Variants in FUT8 observed in about 807,000 individuals in gnomAD.
The protein encoded by FUT8 is fucosyltransferase 8.
Under a neutral mutation model 71.3 loss-of-function variants are expected in FUT8, and 29 were observed. That is an observed-to-expected ratio of 0.41 (90% confidence interval 0.30 to 0.55). FUT8 has a LOEUF of 0.55. FUT8 is among the 20% of genes least tolerant of loss of function. The pLI is 0.34. For missense variants in FUT8, 544 were observed against 702.1 expected, an observed-to-expected ratio of 0.77 and a Z score of 2.55; for synonymous variants, 254 against 239.3, an observed-to-expected ratio of 1.06 and a Z score of -0.57.
At chr14:65,522,768 T>C (rs1883171431) in intron 2 of FUT8, among the ~76,000 whole-genome samples, 1 of 124,332 alleles carries the variant, frequency 8.0e-6, no homozygotes, top group African/African-American at 3.1e-5. Flanking sequence ...TTCCCCCTCC[T>C]GTGTCCAAGT....
In FUT8 at chr14:65,674,056, G is replaced by A. The variant is rs547014342; in HGVS notation, c.835+4576G>A. Among the ~76,000 whole-genome samples, 60 of 152,096 alleles carry A rather than the reference G, an allele frequency of 3.9e-4. 1 individual carries two copies. Among genetic ancestry groups the A allele is most frequent in the Non-Finnish European group, 5.9e-4 (40 of 67,962 alleles). ...AGTTGTATCCTTAATAAGGATTGACGTCAGGTAGACTAATTTATAAACTGA... is the reference window on the plus strand; with the variant it reads ...AGTTGTATCCTTAATAAGGATTGACATCAGGTAGACTAATTTATAAACTGA... On this transcript the variant is annotated intron_variant, in intron 7 of 10. Coordinates refer to ENST00000673929, the MANE Select transcript of FUT8 (RefSeq NM_001371533.1).
chr14:65,577,816 T>C (rs1282094970), intron 3 of FUT8, among the ~76,000 whole-genome samples: 2 of 152,250 alleles, frequency 1.3e-5, no homozygotes, highest in East Asian at 1.9e-4. Flanking sequence ...GTTAAATATA[T>C]ACTAGGTTAA....
intron 7 of FUT8, among the ~76,000 whole-genome samples, chr14:65,705,470 C>T (rs1894511574): frequency 6.6e-6 from 1 of 152,218 alleles, no homozygotes; most frequent in Non-Finnish European, 1.5e-5. Context: ...CCTCATCCCT[C>T]TAAAGGTCTC....
At chr14:65,395,587 C>T in the FUT8 span, among the ~76,000 whole-genome samples, 2 of 152,382 alleles carry the variant, frequency 1.3e-5, no homozygotes, top group East Asian at 3.9e-4. Context: ...TTAACCATAG[C>T]TAGAGTGGCT....
intron 2 of FUT8, among the ~76,000 whole-genome samples, chr14:65,551,919 A>T (rs991744619): frequency 2.6e-5 from 4 of 152,266 alleles, no homozygotes; most frequent in African/African-American, 9.6e-5. Context: ...GTTTGTGATA[A>T]AATAGCTTAG....
At chr14:65,587,799 T>C (rs1236537924) in intron 3 of FUT8, among the ~76,000 whole-genome samples, 1 of 152,224 alleles carries the variant, frequency 6.6e-6, no homozygotes, top group Non-Finnish European at 1.5e-5. Flanking sequence ...GTTGTGTGGT[T>C]GGTAGTCAGT....
chr14:65,415,459 A>G (rs189707742), intron 1 of FUT8, among the ~76,000 whole-genome samples: 3 of 152,252 alleles, frequency 2.0e-5, no homozygotes, highest in African/African-American at 7.2e-5. Context: ...TGTACCCCCA[A>G]ACTTAGAGTA....
chr14:65,594,992 G>A (rs1156995687), intron 3 of FUT8, among the ~76,000 whole-genome samples: 1 of 152,084 alleles, frequency 6.6e-6, no homozygotes, highest in Non-Finnish European at 1.5e-5. Flanking sequence ...AGGGATGGAA[G>A]TTTTCACTTT....
intron 7 of FUT8, among the ~76,000 whole-genome samples, 198 bp from the exon 8 acceptor site, chr14:65,721,577 A>T (rs1348221925): frequency 1.3e-5 from 2 of 152,224 alleles, no homozygotes; most frequent in African/African-American, 4.8e-5. Flanking sequence ...TGAGAGATAG[A>T]CTAACCTGCA....
intron 2 of FUT8, among the ~76,000 whole-genome samples, chr14:65,499,150 A>T (rs1342972746): frequency 1.3e-5 from 2 of 152,220 alleles, no homozygotes; most frequent in African/African-American, 4.8e-5. Flanking sequence ...CCTAGGCTCA[A>T]GTGATTCTCC....
chr14:65,412,563 C>T (rs1192656373), upstream of FUT8: 1 of 349,780 alleles, frequency 2.9e-6, no homozygotes, highest in Admixed American at 3.9e-5. Flanking sequence ...CCGCTGTGGC[C>T]CGCGGCTCTG....
At chr14:65,637,440 A>G (rs1204567522) in intron 6 of FUT8, among the ~76,000 whole-genome samples, 1 of 152,182 alleles carries the variant, frequency 6.6e-6, no homozygotes, top group Non-Finnish European at 1.5e-5. Flanking sequence ...CCTCTGCAGA[A>G]GGATATCTCC....
chr14:65,450,371 T>A (rs1025788274), intron 1 of FUT8, among the ~76,000 whole-genome samples: 4 of 152,224 alleles, frequency 2.6e-5, no homozygotes, highest in Admixed American at 6.5e-5. Flanking sequence ...CTTAAGATGT[T>A]TATTTAGTTC....
intron 2 of FUT8, among the ~76,000 whole-genome samples, chr14:65,559,882 G>A (rs1408341249): frequency 1.3e-5 from 2 of 152,108 alleles, no homozygotes; most frequent in African/African-American, 2.4e-5. Context: ...TTTAAGAATA[G>A]TTATTAAAAC....
the FUT8 span, among the ~76,000 whole-genome samples, chr14:65,398,586 A>T: frequency 1.3e-5 from 2 of 152,178 alleles, no homozygotes; most frequent in South Asian, 2.1e-4. Flanking sequence ...ATACAAAAAA[A>T]TTAGCTGGGT....
intron 1 of FUT8, among the ~76,000 whole-genome samples, chr14:65,443,882 A>G (rs772064909): frequency 6.6e-6 from 1 of 152,192 alleles, no homozygotes; most frequent in African/African-American, 2.4e-5. Context: ...ACAATGTTAC[A>G]TTTATGTTAT....
chr14:65,680,988 T>A (rs1342607852), intron 7 of FUT8, among the ~76,000 whole-genome samples: 1 of 152,232 alleles, frequency 6.6e-6, no homozygotes, highest in Non-Finnish European at 1.5e-5. Context: ...ACTGGGAACA[T>A]GTAATTCTTC....
At chr14:65,557,133 T>G (rs1213889120) in intron 2 of FUT8, among the ~76,000 whole-genome samples, 1 of 152,214 alleles carries the variant, frequency 6.6e-6, no homozygotes, top group African/African-American at 2.4e-5. Context: ...CTTATCTTAC[T>G]GATATTACAC....
chr14:65,679,222 G>C lies in FUT8; in HGVS notation c.835+9742G>C, dbSNP rs577572897. On this transcript the variant is annotated intron_variant, in intron 7 of 10. Coordinates refer to ENST00000673929, the MANE Select transcript of FUT8 (RefSeq NM_001371533.1). ...TCTGCTGCTACATCTGGCAAATCTT[G>C]ATCCATATAATTTAGAATTAATAAT... Among the ~76,000 whole-genome samples the C allele has an allele frequency of 2.9e-4, 44 of 152,210 alleles. No homozygotes were observed. In the South Asian group the frequency reaches 8.9e-3, roughly 31 times the overall value.
Sources: allele counts gnomAD v4.1 joint callset (sites outside exome capture counted in the v4.1 genomes callset), GRCh38; gene constraint gnomAD v4.1.1; transcripts MANE v1.5; gene names NCBI Gene and HGNC (gene_info 2026-07-23, HGNC 2026-07-21).